Variants in AP4S1 observed in about 807,000 individuals in gnomAD.
AP4S1 encodes the protein adaptor related protein complex 4 subunit sigma 1.
AP4S1 carries 23 observed loss-of-function variants against 19.8 expected under a neutral mutation model. That is an observed-to-expected ratio of 1.16 (90% CI 0.84 to 1.65). The LOEUF is 1.65. Among genes scored for constraint, AP4S1 ranks in the 40% most tolerant of loss-of-function variants. The probability of loss-of-function intolerance (pLI) is 0.00; values close to 1 mark genes in which losing one functional copy is unlikely to be tolerated. For synonymous variants in AP4S1, 46 were observed against 54.1 expected, an observed-to-expected ratio of 0.85 and a Z score of 0.66; for missense variants, 166 against 172.8, an observed-to-expected ratio of 0.96 and a Z score of 0.22.
intron 1 of AP4S1, among the ~76,000 whole-genome samples, chr14:31,042,182 A>G (rs11624234): frequency 1 from 152,356 of 152,366 alleles, 76,173 homozygotes; most frequent in Non-Finnish European, 1. Flanking sequence ...AAACCAAATA[A>G]AAGAAAGATA....
At chr14:31,078,989 C>T (rs898328285) in intron 4 of AP4S1, among the ~76,000 whole-genome samples, 1 of 152,080 alleles carries the variant, frequency 6.6e-6, no homozygotes, top group Non-Finnish European at 1.5e-5. Flanking sequence ...CAAGAATTTC[C>T]AAATCTTAAA....
intron 1 of AP4S1, among the ~76,000 whole-genome samples, chr14:31,058,537 G>A (rs1180387102): frequency 3.0e-5 from 1 of 33,294 alleles, no homozygotes; most frequent in Non-Finnish European, 1.1e-4. Context: ...ATGTGTGTGT[G>A]TGTGTGTGTG....
At chr14:31,039,881 G>A (rs12892778) in intron 1 of AP4S1, among the ~76,000 whole-genome samples, 39,561 of 151,954 alleles carry the variant, frequency 0.26, 5,346 homozygotes, top group South Asian at 0.33. Flanking sequence ...GAGCCACCGC[G>A]CCCGGCCAAT....
chr14:31,028,893 A>G (rs1234572931), intron 1 of AP4S1, among the ~76,000 whole-genome samples: 8 of 152,176 alleles, frequency 5.3e-5, no homozygotes, highest in Admixed American at 4.6e-4. Context: ...CCCAAAAACA[A>G]CAACAACAAC....
At chr14:31,049,778 G>C (rs543275564) in intron 1 of AP4S1, among the ~76,000 whole-genome samples, 1 of 150,686 alleles carries the variant, frequency 6.6e-6, no homozygotes, top group African/African-American at 2.4e-5. Flanking sequence ...TTTTTTGCAT[G>C]TTTTGTAGAG....
At chr14:31,087,973 C>T (rs1887967173) in intron 5 of AP4S1, among the ~76,000 whole-genome samples, 1 of 152,090 alleles carries the variant, frequency 6.6e-6, no homozygotes, top group South Asian at 2.1e-4. Context: ...CCTGTGGGTC[C>T]GAGGGAACGT....
chr14:31,091,999 A>T (rs1434089752), intron 5 of AP4S1, among the ~76,000 whole-genome samples: 1 of 152,138 alleles, frequency 6.6e-6, no homozygotes, highest in Non-Finnish European at 1.5e-5. Context: ...AGTTGAAGGG[A>T]TTCTTGAGGG....
intron 1 of AP4S1, among the ~76,000 whole-genome samples, chr14:31,034,454 G>A (rs1258398343): frequency 6.6e-6 from 1 of 151,932 alleles, no homozygotes; most frequent in Non-Finnish European, 1.5e-5. Context: ...ACAGTGTTGT[G>A]CATAGACTTT....
chr14:31,060,005 TTATGTATA>T (rs1042259125), intron 1 of AP4S1, among the ~76,000 whole-genome samples: 1 of 94,992 alleles, frequency 1.1e-5, no homozygotes, highest in Non-Finnish European at 2.2e-5. Flanking sequence ...TTATATGTAT[TTATGTATA>T]TATGTATATA....
At chr14:31,050,383 A>G in intron 1 of AP4S1, among the ~76,000 whole-genome samples, 1 of 151,676 alleles carries the variant, frequency 6.6e-6, no homozygotes, top group East Asian at 1.9e-4. Flanking sequence ...TTTTACTTGG[A>G]GTGTTCTTCA....
At chr14:31,045,223 A>T (rs1414302963) in intron 1 of AP4S1, among the ~76,000 whole-genome samples, 1 of 152,128 alleles carries the variant, frequency 6.6e-6, no homozygotes, top group African/African-American at 2.4e-5. Flanking sequence ...ATTTTTTAAA[A>T]CAACTTTAGG....
intron 4 of AP4S1, among the ~76,000 whole-genome samples, chr14:31,074,722 C>T (rs1361542953): frequency 6.6e-6 from 1 of 152,002 alleles, no homozygotes; most frequent in East Asian, 1.9e-4. Flanking sequence ...GGTGTGGAGG[C>T]AAGCATCTCT....
At chr14:31,026,328 G>C (rs919842732) in intron 1 of AP4S1, 17 of 897,380 alleles carry the variant, frequency 1.9e-5, no homozygotes, top group Non-Finnish European at 2.3e-5. Context: ...TGCCTGCCGT[G>C]GGTCAGAGCA....
chr14:31,049,827 C>T (rs1885680274), intron 1 of AP4S1, among the ~76,000 whole-genome samples: 1 of 151,866 alleles, frequency 6.6e-6, no homozygotes, highest in African/African-American at 2.4e-5. Context: ...ATCTCGAACT[C>T]CTGGGCTCAA....
At chr14:31,064,612 G>A (rs766026568) in intron 1 of AP4S1, among the ~76,000 whole-genome samples, 4 of 151,966 alleles carry the variant, frequency 2.6e-5, no homozygotes, top group Non-Finnish European at 5.9e-5. Context: ...ATGAGCCACC[G>A]CGCCTGACCA....
chr14:31,087,782 G>C (rs947237559), intron 5 of AP4S1, among the ~76,000 whole-genome samples: 3 of 152,202 alleles, frequency 2.0e-5, no homozygotes, highest in Admixed American at 6.5e-5. Context: ...AAGGGGAGAT[G>C]TTTTAGAGAA....
chr14:31,089,616 C>A (rs1349751661), intron 5 of AP4S1, among the ~76,000 whole-genome samples: 2 of 152,194 alleles, frequency 1.3e-5, no homozygotes, highest in Non-Finnish European at 2.9e-5. Flanking sequence ...TTCCAGAGAT[C>A]AAAATTCCAA....
chr14:31,088,129 A>C lies in AP4S1; in HGVS notation c.307-4778A>C, dbSNP rs140532192. ...CCCCAGGATTCAGCCAGTAGCCCGG[A>C]AGATGTGAACGTTGCAAATCTGACA... On this transcript the variant is annotated intron_variant, in intron 5 of 5. Transcript: ENST00000542754. Among the ~76,000 whole-genome samples, 776 of 152,248 alleles carry C rather than the reference A, an allele frequency of 5.1e-3. 6 individuals are homozygous for C. Among genetic ancestry groups the C allele is most frequent in the African/African-American group, 0.017 (726 of 41,546 alleles).
At chr14:31,074,381 G>T (rs527711378) in intron 4 of AP4S1, among the ~76,000 whole-genome samples, 1 of 140,808 alleles carries the variant, frequency 7.1e-6, no homozygotes, top group East Asian at 2.2e-4. Context: ...AGCTGGGCGC[G>T]GTGGCTGACG....
Sources: gnomAD v4.1 joint callset for allele counts (sites outside exome capture counted in the v4.1 genomes callset) on GRCh38, gnomAD v4.1.1 for gene constraint, MANE v1.5 for transcripts, NCBI Gene and HGNC (gene_info 2026-07-23, HGNC 2026-07-21) for gene names.